The following SPINK5 variants were observed in gnomAD, a reference collection of about 807,000 sequenced individuals.
SPINK5 encodes serine peptidase inhibitor Kazal type 5, also known as serine protease inhibitor Kazal-type 5.
SPINK5 carries 125 observed loss-of-function variants against 151.8 expected under a neutral mutation model. That is an observed-to-expected ratio of 0.82 (90% confidence interval 0.71 to 0.96). The LOEUF (loss-of-function observed/expected upper bound fraction) is 0.96. SPINK5 is among the 40% of genes least tolerant of loss of function. The pLI is 0.00. For missense variants in SPINK5, 1,194 were observed against 1,291.9 expected (o/e 0.92, Z 1.16); for synonymous variants, 374 against 395.3 (o/e 0.95, Z 0.64).
At chr5:148,135,012 A>C (rs1303825184) in intron 32 of SPINK5, among the ~76,000 whole-genome samples, 2 of 152,098 alleles carry the variant, frequency 1.3e-5, no homozygotes, top group East Asian at 3.9e-4. Context: ...CTAGTTTCAC[A>C]TTAGCAGCTG....
chr5:148,086,923 A>G (rs1753172686), intron 5 of SPINK5, among the ~76,000 whole-genome samples: 2 of 141,712 alleles, frequency 1.4e-5, no homozygotes, highest in Non-Finnish European at 3.0e-5. Context: ...ATAATCTATA[A>G]GTTATAGATT....
chr5:148,099,079 G>C (rs774689651), intron 11 of SPINK5, among the ~76,000 whole-genome samples, 155 bp from the exon 12 acceptor site: 2 of 137,056 alleles, frequency 1.5e-5, no homozygotes, highest in African/African-American at 6.6e-5. Flanking sequence ...ATACTATCCT[G>C]GAGGATATTT....
chr5:148,111,519 C>A (rs185330089), intron 18 of SPINK5, among the ~76,000 whole-genome samples: 3 of 152,180 alleles, frequency 2.0e-5, no homozygotes, highest in African/African-American at 7.2e-5. Flanking sequence ...TTTTTCTTCT[C>A]TGTATCTTTC....
chr5:148,112,377 C>A (rs1753958677), intron 19 of SPINK5, among the ~76,000 whole-genome samples: 1 of 152,116 alleles, frequency 6.6e-6, no homozygotes, highest in African/African-American at 2.4e-5. Context: ...CTTTAAACAA[C>A]CTTAAGAACA....
intron 2 of SPINK5, among the ~76,000 whole-genome samples, chr5:148,068,136 C>T (rs1752632506): frequency 6.6e-6 from 1 of 152,088 alleles, no homozygotes. Flanking sequence ...ACTGTAGAAT[C>T]AGAGATCAGA....
At chr5:148,132,932 A>G (rs931144675) in intron 31 of SPINK5, among the ~76,000 whole-genome samples, 4 of 152,176 alleles carry the variant, frequency 2.6e-5, no homozygotes, top group Admixed American at 6.5e-5. Context: ...TTCCATTACT[A>G]TATATACCTT....
chr5:148,101,806 C>G lies in SPINK5; in HGVS notation c.1328C>G (p.Ser443Cys). 6.2e-7 allele frequency: 1 copy of G among 1,613,746 alleles called. No homozygotes were observed. The highest frequency in any genetic ancestry group is 8.5e-7 in the Non-Finnish European group (1 of 1,179,774). ...FEELCSEYRK[S>C]RKNGRLFCTR... ...GAGTTGTGTAGTGAATACCGCAAAT[C>G]CAGGAAAAACGGACGGCTTTTTTGC... is the stretch of plus-strand genomic sequence containing the variant. Residue 443 changes from serine to cysteine, a missense_variant, in exon 15 of 33, where the codon TCC becomes TGC. Transcript: ENST00000256084.
chr5:148,107,190 C>T (rs1753806417), intron 17 of SPINK5, 26 bp downstream of exon 17: 1 of 1,608,358 alleles, frequency 6.2e-7, no homozygotes, highest in Non-Finnish European at 8.5e-7. Context: ...ATCTCTCCCA[C>T]TGAATTTCTT....
At chr5:148,121,948 A>G (rs1754277700) in intron 26 of SPINK5, among the ~76,000 whole-genome samples, 1 of 152,082 alleles carries the variant, frequency 6.6e-6, no homozygotes, top group Non-Finnish European at 1.5e-5. Context: ...AGCCTGGGCA[A>G]CAGAGTAAGA....
chr5:148,099,385 T>A, intron 12 of SPINK5, 70 bp downstream of exon 12: 1 of 1,394,854 alleles, frequency 7.2e-7, no homozygotes, highest in Non-Finnish European at 1.0e-6. Flanking sequence ...GCCTAAAGGG[T>A]GAGATTTTGC....
At position 148,101,870 on chromosome 5, in the gene SPINK5, A is replaced by G. The variant is rs747993833; in HGVS notation, c.1392A>G (p.Lys464=). 1.2e-6 allele frequency: 2 copies of G among 1,613,748 alleles called. No homozygotes were observed. Among genetic ancestry groups the G allele is most frequent in the South Asian group, 2.2e-5 (2 of 91,084 alleles). The change falls in exon 15 of 33, where the codon AAA becomes AAG. Residue 464 remains lysine, a synonymous_variant. Coordinates refer to ENST00000256084, the MANE Select transcript of SPINK5 (RefSeq NM_006846.4). ...ENDPIQGPDG[K]MHGNTCSMCE... ...ACCCCATCCAGGGCCCAGATGGAAA[A>G]ATGCATGGCAACACCTGCTCCATGT... is the stretch of plus-strand genomic sequence containing the variant.
At chr5:148,087,136 A>G (rs1183704304) in intron 5 of SPINK5, among the ~76,000 whole-genome samples, 1 of 151,746 alleles carries the variant, frequency 6.6e-6, no homozygotes, top group Admixed American at 6.6e-5. Context: ...GTAATATTAG[A>G]GTAGATAATT....
intron 13 of SPINK5, among the ~76,000 whole-genome samples, chr5:148,101,137 G>T (rs923056013): frequency 2.0e-4 from 30 of 152,018 alleles, no homozygotes; most frequent in African/African-American, 7.0e-4. Context: ...CTTCAGGTGA[G>T]TTATGCATTC....
chr5:148,072,502 C>T (rs1272627919), intron 4 of SPINK5, among the ~76,000 whole-genome samples: 1 of 151,958 alleles, frequency 6.6e-6, no homozygotes, highest in Non-Finnish European at 1.5e-5. Context: ...ATTTCTCATT[C>T]CTCTTGTCCT....
intron 8 of SPINK5, among the ~76,000 whole-genome samples, chr5:148,092,421 A>T (rs1753336022): frequency 6.6e-6 from 1 of 151,926 alleles, no homozygotes; most frequent in Non-Finnish European, 1.5e-5. Context: ...ACTTTGGGTC[A>T]TCCTGTGATA....
At chr5:148,105,775 C>T (rs1198012768) in intron 16 of SPINK5, among the ~76,000 whole-genome samples, 1 of 137,956 alleles carries the variant, frequency 7.2e-6, no homozygotes, top group Admixed American at 7.8e-5. Context: ...TGCCACAATG[C>T]CCAGCTAATT....
rs1379569911 is a variant in SPINK5 at position 148,097,971 on chromosome 5, G to C, written c.987G>C (p.Leu329Phe). Residue 329 changes from leucine (L) to phenylalanine (F), a missense_variant, in exon 11 of 33, where the codon TTG (leucine) becomes TTC (phenylalanine). Coordinates refer to ENST00000256084, the MANE Select transcript of SPINK5 (RefSeq NM_006846.4). ...CAGATGGGAAAATGCATGGCAACTT[G>C]TGTTCCATGTGTCAAGCCTACTTGT... ...RGPDGKMHGNLCSMCQAYFQA... is the reference protein window; with the variant it reads ...RGPDGKMHGNFCSMCQAYFQA... 1.2e-6 allele frequency: 2 copies of C among 1,612,034 alleles called. No homozygotes were observed. The highest frequency in any genetic ancestry group is 1.7e-6 in the Non-Finnish European group (2 of 1,178,578).
intron 2 of SPINK5, among the ~76,000 whole-genome samples, chr5:148,068,898 C>T (rs9325066): frequency 0.7 from 106,485 of 151,818 alleles, 37,806 homozygotes; most frequent in East Asian, 0.91. Flanking sequence ...GTCAGGAGTT[C>T]GAGATCAGCC....
intron 8 of SPINK5, 108 bp downstream of exon 8, chr5:148,091,336 T>C: frequency 1.1e-6 from 1 of 879,466 alleles, no homozygotes; most frequent in Non-Finnish European, 1.8e-6. Flanking sequence ...TATTATTATA[T>C]AGATATTTTT....
Sources: allele counts gnomAD v4.1 joint callset (sites outside exome capture counted in the v4.1 genomes callset), GRCh38; gene constraint gnomAD v4.1.1; transcripts MANE v1.5; gene names NCBI Gene and HGNC (gene_info 2026-07-23, HGNC 2026-07-21).